Variants in PID1 observed in about 807,000 individuals in gnomAD.
PID1 encodes PTB-containing, cubilin and LRP1-interacting protein.
Under a neutral mutation model 19.1 loss-of-function variants are expected in PID1, and 10 were observed. The ratio of observed to expected loss-of-function variants is 0.52; its 90% CI spans 0.32 to 0.89. The LOEUF (loss-of-function observed/expected upper bound fraction) is 0.89, where lower values mean the gene tolerates loss of function less well. Among genes scored for constraint, PID1 ranks in the 40% least tolerant of loss-of-function variants. The probability of loss-of-function intolerance (pLI) is 0.03; values close to 1 mark genes in which losing one functional copy is unlikely to be tolerated. For synonymous variants in PID1, 130 were observed against 116.0 expected (o/e 1.12, Z -0.78); for missense variants, 248 against 285.3 (o/e 0.87, Z 0.94).
At chr2:229,155,357 G>C (rs1168905161) in intron 2 of PID1, among the ~76,000 whole-genome samples, 1 of 152,066 alleles carries the variant, frequency 6.6e-6, no homozygotes, top group African/African-American at 2.4e-5. Context: ...ATGAGGTCAG[G>C]AGATCGAGAC....
chr2:229,263,049 A>G (rs1690500860), intron 1 of PID1, among the ~76,000 whole-genome samples: 1 of 152,272 alleles, frequency 6.6e-6, no homozygotes, highest in Admixed American at 6.5e-5. Context: ...GGGGAACACA[A>G]TTCAACCTTC....
chr2:229,153,954 TCTC>T (rs938953266), intron 2 of PID1, among the ~76,000 whole-genome samples: 33 of 152,150 alleles, frequency 2.2e-4, no homozygotes, highest in African/African-American at 7.2e-4. Context: ...CATTAATAAA[TCTC>T]CTGAAGAATG....
intron 1 of PID1, among the ~76,000 whole-genome samples, chr2:229,248,306 T>C (rs1358632041): frequency 6.6e-6 from 1 of 152,188 alleles, no homozygotes; most frequent in Non-Finnish European, 1.5e-5. Context: ...CCTGAGACAG[T>C]TGTTTTAGAG....
chr2:229,167,935 T>C (rs1460320284), intron 1 of PID1, among the ~76,000 whole-genome samples: 1 of 151,410 alleles, frequency 6.6e-6, no homozygotes, highest in East Asian at 1.9e-4. Context: ...TTTTTAGAAC[T>C]AACTTTAGAT....
intron 1 of PID1, among the ~76,000 whole-genome samples, chr2:229,224,296 G>A (rs1453812382): frequency 6.6e-6 from 1 of 152,140 alleles, no homozygotes; most frequent in African/African-American, 2.4e-5. Flanking sequence ...ACTAAAACTA[G>A]AACTACCATT....
At chr2:229,209,252 C>T (rs559508149) in intron 1 of PID1, among the ~76,000 whole-genome samples, 1 of 152,290 alleles carries the variant, frequency 6.6e-6, no homozygotes, top group East Asian at 1.9e-4. Flanking sequence ...TGCAAACCCT[C>T]ACCTACATAG....
chr2:229,115,056 A>T lies in PID1; in HGVS notation c.177+40762T>A, dbSNP rs572501611. On this transcript the variant is annotated intron_variant, in intron 2 of 2. Coordinates refer to ENST00000392055, the MANE Select transcript of PID1 (RefSeq NM_001100818.2). ...AATAGAATACCTGAAATTCATATCC[A>T]ATGTAGAATTCAATTTCCTATCTTA... Among the ~76,000 whole-genome samples the T allele has an allele frequency of 3.9e-5, 6 of 152,306 alleles. No homozygotes were observed. In the South Asian group the frequency reaches 1.2e-3, roughly 32 times the overall value.
intron 2 of PID1, among the ~76,000 whole-genome samples, chr2:229,141,020 C>T (rs1425686503): frequency 6.6e-6 from 1 of 151,372 alleles, no homozygotes; most frequent in Non-Finnish European, 1.5e-5. Context: ...CATTTCCTTC[C>T]TTTGACTCTC....
At chr2:229,065,711 A>AT (rs1694310250) in intron 2 of PID1, among the ~76,000 whole-genome samples, 2 of 90,840 alleles carry the variant, frequency 2.2e-5, no homozygotes, top group African/African-American at 8.0e-5. Context: ...TTTGTGATTT[A>AT]CAAAAAAAAA....
At chr2:229,270,949 A>C in intron 1 of PID1, 65 bp downstream of exon 1, 1 of 1,441,932 alleles carries the variant, frequency 6.9e-7, no homozygotes, top group Non-Finnish European at 9.3e-7. Flanking sequence ...AGAAGCAAAA[A>C]CTAGGTTCCT....
At chr2:229,238,901 T>G (rs1018292187) in intron 1 of PID1, among the ~76,000 whole-genome samples, 1 of 152,064 alleles carries the variant, frequency 6.6e-6, no homozygotes, top group African/African-American at 2.4e-5. Context: ...AACACAGCAA[T>G]AGCATTAGTA....
intron 2 of PID1, among the ~76,000 whole-genome samples, chr2:229,133,540 C>T (rs1394045675): frequency 1.3e-5 from 2 of 152,192 alleles, no homozygotes; most frequent in African/African-American, 2.4e-5. Flanking sequence ...ATGTGAATTG[C>T]AGATGTAAGA....
At chr2:229,027,658 C>A (rs1693455113) in intron 2 of PID1, among the ~76,000 whole-genome samples, 2 of 152,128 alleles carry the variant, frequency 1.3e-5, no homozygotes, top group South Asian at 4.1e-4. Flanking sequence ...CCTCAGACTA[C>A]ATAGGAGCCC....
intron 2 of PID1, among the ~76,000 whole-genome samples, chr2:229,145,155 G>GTATATATATATATATATATA (rs5839309): frequency 8.3e-6 from 1 of 119,966 alleles, no homozygotes; most frequent in Non-Finnish European, 1.7e-5. Context: ...ATATGTATGT[G>GTATATATATATATATATATA]TATATATATA....
chr2:229,245,999 T>C (rs1689993534), intron 1 of PID1, among the ~76,000 whole-genome samples: 1 of 152,192 alleles, frequency 6.6e-6, no homozygotes, highest in Non-Finnish European at 1.5e-5. Context: ...GACCAAATTG[T>C]GACAGGTACT....
chr2:229,119,841 T>C (rs1695481994), intron 2 of PID1, among the ~76,000 whole-genome samples: 1 of 152,170 alleles, frequency 6.6e-6, no homozygotes, highest in Non-Finnish European at 1.5e-5. Flanking sequence ...TCACGTAATC[T>C]GTTGAGGGCC....
intron 2 of PID1, among the ~76,000 whole-genome samples, chr2:229,089,002 C>T (rs1301047372): frequency 1.3e-5 from 2 of 152,174 alleles, no homozygotes; most frequent in African/African-American, 4.8e-5. Context: ...ATCTCTCCTA[C>T]TGAAAGCCTG....
intron 2 of PID1, among the ~76,000 whole-genome samples, chr2:229,029,027 A>C (rs1693486756): frequency 1.3e-5 from 2 of 152,072 alleles, no homozygotes; most frequent in Non-Finnish European, 1.5e-5. Flanking sequence ...AAACATTGAG[A>C]ACACATGGAC....
chr2:229,069,920 A>G (rs572487660), intron 2 of PID1, among the ~76,000 whole-genome samples: 1 of 152,342 alleles, frequency 6.6e-6, no homozygotes, highest in South Asian at 2.1e-4. Context: ...CAACAGTTTG[A>G]CAAAAGAAGT....
Sources: gnomAD v4.1 joint callset for allele counts (sites outside exome capture counted in the v4.1 genomes callset) on GRCh38, gnomAD v4.1.1 for gene constraint, MANE v1.5 for transcripts, NCBI Gene and HGNC (gene_info 2026-07-23, HGNC 2026-07-21) for gene names.